GRM3: variants seen among roughly 807,000 people sequenced by gnomAD.
The protein encoded by GRM3 is glutamate metabotropic receptor 3.
In GRM3, 26 loss-of-function variants were observed where a neutral mutation model predicts 70.5. That is an observed-to-expected ratio of 0.37 (90% CI 0.27 to 0.51). GRM3 has a LOEUF of 0.51. GRM3 is among the 20% of genes least tolerant of loss of function. The pLI, the probability that GRM3 is intolerant of heterozygous loss-of-function variation, is 0.93. For missense variants in GRM3, 859 were observed against 1,123.8 expected, an observed-to-expected ratio of 0.76 and a Z score of 3.37; for synonymous variants, 443 against 434.9, an observed-to-expected ratio of 1.02 and a Z score of -0.23.
rs557334573 is a variant in GRM3, at chr7:86,737,314, G to T, written c.-140-27692G>T. Among the ~76,000 whole-genome samples, 254 of 152,302 alleles carry T rather than the reference G, an allele frequency of 1.7e-3. 2 individuals are homozygous for T. Among genetic ancestry groups the T allele is most frequent in the African/African-American group, 5.9e-3 (245 of 41,562 alleles). The stretch of plus-strand genomic sequence containing the variant: ...ACCTTCACAAATTCACTTTGAGAGT[G>T]AATTTTATGAGTGAGGAAATAGGCT... On this transcript the variant is annotated intron_variant, in intron 1 of 5. Transcript: ENST00000361669.
chr7:86,863,761 T>A (rs1799004458), intron 5 of GRM3, among the ~76,000 whole-genome samples: 2 of 152,190 alleles, frequency 1.3e-5, no homozygotes, highest in Non-Finnish European at 2.9e-5. Context: ...AAAATTGCAG[T>A]GAGCTTTTGA....
chr7:86,788,944 T>TG (rs1452166748), intron 3 of GRM3, among the ~76,000 whole-genome samples: 1 of 152,246 alleles, frequency 6.6e-6, no homozygotes, highest in Non-Finnish European at 1.5e-5. Context: ...AGAGAGCCTT[T>TG]GCAAGGTGTT....
chr7:86,695,659 A>G (rs1313363794), intron 1 of GRM3, among the ~76,000 whole-genome samples: 1 of 152,196 alleles, frequency 6.6e-6, no homozygotes, highest in Non-Finnish European at 1.5e-5. Flanking sequence ...TTTCCTCAAC[A>G]AAAAAGTGAA....
chr7:86,813,733 C>T (rs973142225), intron 3 of GRM3, among the ~76,000 whole-genome samples: 7 of 151,816 alleles, frequency 4.6e-5, no homozygotes, highest in African/African-American at 1.4e-4. Flanking sequence ...GTGGCCAGAA[C>T]TCTTGGGCAT....
intron 3 of GRM3, among the ~76,000 whole-genome samples, chr7:86,807,693 A>C (rs1368942430): frequency 6.6e-6 from 1 of 152,166 alleles, no homozygotes; most frequent in Non-Finnish European, 1.5e-5. Flanking sequence ...ATCTGCAAAC[A>C]GGGACAATTT....
At chr7:86,712,449 T>G (rs994265128) in intron 1 of GRM3, among the ~76,000 whole-genome samples, 3 of 152,008 alleles carry the variant, frequency 2.0e-5, no homozygotes, top group African/African-American at 7.3e-5. Flanking sequence ...TCAGGGTAAC[T>G]GTCATATACA....
At chr7:86,681,478 G>C (rs11979932) in intron 1 of GRM3, among the ~76,000 whole-genome samples, 5,077 of 152,160 alleles carry the variant, frequency 0.033, 277 homozygotes, top group African/African-American at 0.12. Flanking sequence ...CTGTGTCCTA[G>C]CATTAATAAG....
intron 3 of GRM3, among the ~76,000 whole-genome samples, chr7:86,801,708 T>C (rs963798434): frequency 1.3e-5 from 2 of 152,126 alleles, no homozygotes; most frequent in African/African-American, 4.8e-5. Flanking sequence ...ACTGGCCTCT[T>C]AAGAGAGCTA....
At chr7:86,800,081 C>A (rs10085471) in intron 3 of GRM3, among the ~76,000 whole-genome samples, 22,961 of 152,146 alleles carry the variant, frequency 0.15, 1,916 homozygotes, top group Middle Eastern at 0.26. Flanking sequence ...TCAAAAAGTT[C>A]TTTGAAACCA....
rs967635794 is a variant in GRM3, at chr7:86,786,930, G to C, written c.1138G>C (p.Asp380His). ...RRVCDKHLAI[D>H]SSNYEQESKI... ...CGTCTGCGACAAGCACCTGGCCATC[G>C]ACAGCAGCAACTACGAGCAAGAGTC... is the stretch of plus-strand genomic sequence containing the variant. Residue 380 changes from aspartate (D) to histidine (H), a missense_variant, in exon 3 of 6, where the codon GAC (aspartate) becomes CAC (histidine). Physicochemically the swap from Asp to His is moderately conservative, Grantham distance 81. Transcript: ENST00000361669. The surrounding 1 kb of genome is among the most constrained non-coding windows in gnomAD (Gnocchi z 6.0). 6.2e-7 allele frequency: 1 copy of C among 1,614,136 alleles called. No individual in the cohort carries two copies. Among genetic ancestry groups the C allele is most frequent in the African/African-American group, 1.3e-5 (1 of 75,058 alleles).
rs1799019510 is a variant in GRM3, at chr7:86,864,267, C to G, written c.2567-15C>G. 7.2e-7 allele frequency: 1 copy of G among 1,390,170 alleles called. No homozygotes were observed. The highest frequency in any genetic ancestry group is 1.2e-5 in the South Asian group (1 of 86,538). The allele number at this position is 1,390,170 out of a possible 1,614,324, so 86.1% of individuals were successfully genotyped here. A position where few individuals can be genotyped will look rare whatever the true frequency, so the allele number is the denominator to read the frequency against. On this transcript the variant is annotated splice_polypyrimidine_tract_variant and intron_variant, in intron 5 of 5. Coordinates refer to ENST00000361669, the MANE Select transcript of GRM3 (RefSeq NM_000840.3). ...TTGACTAACTTTGAGTTTTCTGTCC[C>G]ACTTTGTTTTCCAGCCTCTGCAAGC...
chr7:86,753,583 T>C (rs1284338221), intron 1 of GRM3, among the ~76,000 whole-genome samples: 1 of 152,176 alleles, frequency 6.6e-6, no homozygotes, highest in African/African-American at 2.4e-5. Context: ...TTGATATTTT[T>C]ATTATATTTT....
chr7:86,771,117 A>G (rs1796728325), intron 2 of GRM3, among the ~76,000 whole-genome samples: 4 of 152,104 alleles, frequency 2.6e-5, no homozygotes, highest in South Asian at 4.1e-4. Context: ...GCCTGGAAGG[A>G]GAGGGGTTGA....
chr7:86,833,917 T>A (rs1347341547), intron 3 of GRM3, among the ~76,000 whole-genome samples: 1 of 152,212 alleles, frequency 6.6e-6, no homozygotes, highest in Non-Finnish European at 1.5e-5. Flanking sequence ...TTGTTACATA[T>A]TTTACACATT....
Position 86,864,319 on chromosome 7 carries a change from G to A in GRM3, c.2604G>A (p.Gly868=), listed in dbSNP as rs770426396. ...ASTYVPTVCN[G]REVLDSTTSS... ...CGTATGTGCCAACGGTGTGCAATGG[G>A]CGGGAAGTCCTCGACTCCACCACCT... Residue 868 remains glycine (G), a synonymous_variant, in exon 6 of 6, where the codon GGG becomes GGA. Transcript: ENST00000361669. 6.2e-7 allele frequency: 1 copy of A among 1,609,896 alleles called. No individual in the cohort carries two copies. Among genetic ancestry groups the A allele is most frequent in the Non-Finnish European group, 8.5e-7 (1 of 1,176,278 alleles).
chr7:86,717,988 T>G (rs1041206130), intron 1 of GRM3, among the ~76,000 whole-genome samples: 4 of 151,552 alleles, frequency 2.6e-5, no homozygotes, highest in African/African-American at 9.7e-5. Context: ...TGATGTGTGT[T>G]CATTTACTAG....
At chr7:86,753,445 A>C (rs1328433139) in intron 1 of GRM3, among the ~76,000 whole-genome samples, 1 of 152,150 alleles carries the variant, frequency 6.6e-6, no homozygotes, top group African/African-American at 2.4e-5. Flanking sequence ...TGTTTTTTTA[A>C]CATGTCCCAG....
intron 5 of GRM3, among the ~76,000 whole-genome samples, chr7:86,853,414 T>C (rs774294103): frequency 9.9e-5 from 15 of 152,202 alleles, no homozygotes; most frequent in Non-Finnish European, 1.5e-4. Context: ...TATCTTAGTG[T>C]CTGTTTCCTC....
At chr7:86,701,009 C>G (rs980284785) in intron 1 of GRM3, among the ~76,000 whole-genome samples, 1 of 151,770 alleles carries the variant, frequency 6.6e-6, no homozygotes, top group Non-Finnish European at 1.5e-5. Context: ...TTCATAATCC[C>G]AAACATAATC....
Sources: gnomAD v4.1 joint callset for allele counts (sites outside exome capture counted in the v4.1 genomes callset) on GRCh38, gnomAD v4.1.1 for gene constraint, Gnocchi (gnomAD v3.1) non-coding constraint, MANE v1.5 for transcripts, NCBI Gene and HGNC (gene_info 2026-07-23, HGNC 2026-07-21) for gene names.